The following DLG2 variants were observed in gnomAD, a reference collection of about 807,000 sequenced individuals.
The protein encoded by DLG2 is discs large MAGUK scaffold protein 2, also known as disks large homolog 2.
In DLG2, 45 loss-of-function variants were observed where a neutral mutation model predicts 132.5. The observed-to-expected ratio is 0.34, with a 90% CI of 0.27 to 0.44. The LOEUF (loss-of-function observed/expected upper bound fraction) is 0.44, where lower values mean the gene tolerates loss of function less well. Ranked by LOEUF, DLG2 falls within the 20% of genes least tolerant of loss-of-function variation. The pLI, the probability that DLG2 is intolerant of heterozygous loss-of-function variation, is 1.00. For synonymous variants in DLG2, 424 were observed against 419.6 expected (o/e 1.01, Z -0.13); for missense variants, 1,045 against 1,196.9 (o/e 0.87, Z 1.87).
chr11:84,406,280 T>C (rs2098849083), intron 7 of DLG2, among the ~76,000 whole-genome samples: 1 of 152,156 alleles, frequency 6.6e-6, no homozygotes, highest in African/African-American at 2.4e-5. Flanking sequence ...AGCAAACTAA[T>C]ACCTGACCTT....
At chr11:84,378,061 A>C (rs2098736073) in intron 7 of DLG2, among the ~76,000 whole-genome samples, 3 of 152,310 alleles carry the variant, frequency 2.0e-5, no homozygotes, top group Middle Eastern at 6.8e-3. Flanking sequence ...CTATAGACTG[A>C]ATGTTTATGT....
chr11:84,574,916 C>T (rs1048179664), intron 6 of DLG2, among the ~76,000 whole-genome samples: 2 of 152,042 alleles, frequency 1.3e-5, no homozygotes, highest in African/African-American at 4.8e-5. Context: ...ACCCAGCCAA[C>T]TGGGTAGATG....
chr11:84,961,503 G>C (rs1282433794), intron 6 of DLG2, among the ~76,000 whole-genome samples: 2 of 148,882 alleles, frequency 1.3e-5, no homozygotes, highest in Non-Finnish European at 3.0e-5. Context: ...CTACCTCCAA[G>C]TTATATCCTA....
At chr11:84,691,301 T>A (rs964840160) in intron 6 of DLG2, among the ~76,000 whole-genome samples, 3 of 151,864 alleles carry the variant, frequency 2.0e-5, no homozygotes, top group African/African-American at 7.2e-5. Flanking sequence ...CTAAATTATG[T>A]CTGTGTCTTC....
chr11:83,591,351 A>C (rs1459885885), intron 19 of DLG2, among the ~76,000 whole-genome samples: 8 of 121,386 alleles, frequency 6.6e-5, no homozygotes, highest in African/African-American at 2.6e-4. Flanking sequence ...GCAAATCAAT[A>C]AATGTAATCC....
chr11:84,484,883 G>A (rs1173813342), intron 7 of DLG2, among the ~76,000 whole-genome samples: 1 of 151,946 alleles, frequency 6.6e-6, no homozygotes, highest in East Asian at 1.9e-4. Flanking sequence ...AACCTACTGG[G>A]GTCTTAATAT....
At chr11:84,937,248 C>T (rs1351934408) in intron 6 of DLG2, among the ~76,000 whole-genome samples, 1 of 152,152 alleles carries the variant, frequency 6.6e-6, no homozygotes, top group East Asian at 1.9e-4. Flanking sequence ...TGAGCACTTA[C>T]TACATCCCAG....
intron 6 of DLG2, among the ~76,000 whole-genome samples, chr11:84,918,948 G>A (rs534969616): frequency 2.6e-5 from 4 of 152,266 alleles, no homozygotes; most frequent in African/African-American, 9.6e-5. Flanking sequence ...TCTTTGTGCT[G>A]ATGATATAAA....
chr11:84,689,796 C>T (rs943944887), intron 6 of DLG2, among the ~76,000 whole-genome samples: 3 of 151,734 alleles, frequency 2.0e-5, no homozygotes, highest in African/African-American at 4.8e-5. Flanking sequence ...GCTAAGTTAA[C>T]GCACACACAC....
intron 18 of DLG2, among the ~76,000 whole-genome samples, chr11:83,770,260 TTTTTG>T (rs1164245864): frequency 5.5e-5 from 8 of 146,744 alleles, no homozygotes; most frequent in African/African-American, 2.2e-4. Context: ...CTGGTGTTTT[TTTTTG>T]TTTTTTTGCT....
intron 3 of DLG2, among the ~76,000 whole-genome samples, chr11:85,367,184 GT>G (rs937324300): frequency 2.2e-4 from 33 of 152,140 alleles, no homozygotes; most frequent in African/African-American, 7.5e-4. Context: ...TAATAACATA[GT>G]TTTTTGTTTG....
At chr11:83,930,286 C>T (rs2154130111) in intron 15 of DLG2, 42 bp downstream of exon 15, 2 of 1,606,662 alleles carry the variant, frequency 1.2e-6, no homozygotes, top group African/African-American at 1.3e-5. Flanking sequence ...TGTGGAAGCA[C>T]ATGCAGTTCG....
intron 3 of DLG2, among the ~76,000 whole-genome samples, chr11:85,532,494 T>C (rs2075275827): frequency 6.6e-6 from 1 of 152,234 alleles, no homozygotes; most frequent in South Asian, 2.1e-4. Flanking sequence ...TTTGTTGTTA[T>C]TCCTTTTCTA....
intron 13 of DLG2, among the ~76,000 whole-genome samples, chr11:83,964,972 C>T: frequency 6.6e-6 from 1 of 151,988 alleles, no homozygotes; most frequent in Non-Finnish European, 1.5e-5. Context: ...TCTACTACTA[C>T]AGAGATCTGA....
intron 17 of DLG2, chr11:83,791,052 TG>T: frequency 1.4e-6 from 1 of 721,572 alleles, no homozygotes; most frequent in Non-Finnish European, 2.4e-6. Flanking sequence ...CTGAAGGTCG[TG>T]GAAATCCTTT....
At position 84,166,514 on chromosome 11, in the gene DLG2, A is replaced by AAAAG. The variant is rs1555391508; in HGVS notation, c.574-3004_574-3003insCTTT. Among the ~76,000 whole-genome samples, 455 of 149,552 alleles carry AAAAG rather than the reference A, an allele frequency of 3.0e-3. 4 individuals carry two copies. The highest frequency in any genetic ancestry group is 5.1e-3 in the Non-Finnish European group (345 of 67,316). On this transcript the variant is annotated intron_variant, in intron 8 of 27. Transcript: ENST00000376104. Reference sequence around the variant, plus strand: ...AGACTCTGCTTCAAAAAAAAAAAAAAAAAAAAGAAAAGAAAGAAAGAAAGA... The same window carrying AAAAG: ...AGACTCTGCTTCAAAAAAAAAAAAAAAAAGAAAAAAGAAAAGAAAGAAAGAAAGA...
intron 6 of DLG2, among the ~76,000 whole-genome samples, chr11:85,060,540 C>T (rs948603691): frequency 4.7e-5 from 7 of 150,228 alleles, no homozygotes; most frequent in South Asian, 2.1e-4. Context: ...TATATATACA[C>T]GCGTACATAT....
intron 18 of DLG2, among the ~76,000 whole-genome samples, chr11:83,740,772 G>A (rs563748307): frequency 2.0e-5 from 3 of 152,290 alleles, no homozygotes; most frequent in African/African-American, 7.2e-5. Flanking sequence ...CATGGAGGGA[G>A]CACTGTGAAG....
At chr11:85,323,394 A>T (rs1393227392) in intron 3 of DLG2, among the ~76,000 whole-genome samples, 1 of 152,240 alleles carries the variant, frequency 6.6e-6, no homozygotes. Flanking sequence ...ATAATTTTAC[A>T]TGTTTATGGG....
Sources: gnomAD v4.1 joint callset for allele counts (sites outside exome capture counted in the v4.1 genomes callset) on GRCh38, gnomAD v4.1.1 for gene constraint, MANE v1.5 for transcripts, NCBI Gene and HGNC (gene_info 2026-07-23, HGNC 2026-07-21) for gene names.